STK38: variants seen among roughly 807,000 people sequenced by gnomAD.
STK38 encodes the protein serine/threonine-protein kinase 38.
STK38 carries 26 observed loss-of-function variants against 59.0 expected under a neutral mutation model. The observed-to-expected ratio is 0.44, with a 90% CI of 0.32 to 0.61. The LOEUF is 0.61. Among genes scored for constraint, STK38 ranks in the 20% least tolerant of loss-of-function variants. The pLI is 0.04. For missense variants in STK38, 433 were observed against 566.0 expected (o/e 0.76, Z 2.38); for synonymous variants, 175 against 176.6 (o/e 0.99, Z 0.07).
chr6:36,527,837 C>T (rs927971203), intron 2 of STK38, among the ~76,000 whole-genome samples: 4 of 151,818 alleles, frequency 2.6e-5, no homozygotes, highest in African/African-American at 4.8e-5. Context: ...CGGTGGCTCA[C>T]GCCTGTAATC....
chr6:36,536,513 A>G (rs1777794476), intron 2 of STK38, among the ~76,000 whole-genome samples: 1 of 151,990 alleles, frequency 6.6e-6, no homozygotes, highest in Non-Finnish European at 1.5e-5. Context: ...AAAAAACAAA[A>G]AATTTTTTTT....
At position 36,499,796 on chromosome 6, in the gene STK38, T is replaced by C. The variant is rs116491206; in HGVS notation, c.952+77A>G. The C allele has an allele frequency of 1.3e-3, 1,603 of 1,194,998 alleles. 9 individuals carry two copies. In the East Asian group the frequency reaches 0.02, roughly 15 times the overall value. The allele number at this position is 1,194,998 out of a possible 1,614,324, so 74.0% of individuals were successfully genotyped here. A position where few individuals can be genotyped will look rare whatever the true frequency, so the allele number is the denominator to read the frequency against. ...GGGAAATCACTTAGATCACTGCCAA[T>C]TGAAACAGAGGCTGGTATCAATGTA... On this transcript the variant is annotated intron_variant, in intron 10 of 13. Coordinates refer to ENST00000229812, the MANE Select transcript of STK38 (RefSeq NM_007271.4).
intron 6 of STK38, among the ~76,000 whole-genome samples, 154 bp downstream of exon 6, chr6:36,517,563 G>A (rs1777285673): frequency 6.6e-6 from 1 of 152,138 alleles, no homozygotes; most frequent in Non-Finnish European, 1.5e-5. Context: ...CCCAGCACAA[G>A]ACAGGTTACT....
At position 36,506,719 on chromosome 6, in the gene STK38, A is replaced by G. The variant is rs534470281; in HGVS notation, c.773-75T>C. The stretch of plus-strand genomic sequence containing the variant: ...ACTACTTTTTTTAGTAGGCTCTTTC[A>G]AGTCACATGAGACCCTAAAGTCTTG... On this transcript the variant is annotated intron_variant, in intron 8 of 13. Transcript: ENST00000229812. 1.2e-5 allele frequency: 16 copies of G among 1,330,586 alleles called. No individual in the cohort carries two copies. In the African/African-American group the frequency reaches 2.3e-4, roughly 20 times the overall value. The allele number at this position is 1,330,586 out of a possible 1,614,324, so 82.4% of individuals were successfully genotyped here. A position where few individuals can be genotyped will look rare whatever the true frequency, so the allele number is the denominator to read the frequency against.
intron 5 of STK38, 66 bp from the exon 6 acceptor site, chr6:36,517,906 A>C: frequency 6.4e-7 from 1 of 1,564,112 alleles, no homozygotes; most frequent in South Asian, 1.2e-5. Context: ...ATATTTGCTT[A>C]AACAATTTAA....
rs375406551 is a variant in STK38, at chr6:36,499,934, G to C, written c.891C>G (p.Thr297=). 4 of 1,613,912 alleles carry C rather than the reference G, an allele frequency of 2.5e-6. No individual in the cohort carries two copies. The highest frequency in any genetic ancestry group is 3.4e-6 in the Non-Finnish European group (4 of 1,179,992). ...ACCAATCACAGAGCTTGTTGTACCC[G>C]GTCTGCATGAACACCTCAGGAGCAA... ...DYIAPEVFMQ[T]GYNKLCDWWS... is the part of the protein sequence containing the mutation. Residue 297 remains threonine (T), a synonymous_variant, in exon 10 of 14, where the codon ACC becomes ACG. Transcript: ENST00000229812.
chr6:36,524,148 G>GA (rs1015671053), intron 4 of STK38, among the ~76,000 whole-genome samples, 193 bp downstream of exon 4: 2 of 152,170 alleles, frequency 1.3e-5, no homozygotes, highest in African/African-American at 4.8e-5. Context: ...GCAAAACAGA[G>GA]AACAGAGATC....
At chr6:36,530,236 G>C (rs908461664) in intron 2 of STK38, among the ~76,000 whole-genome samples, 3 of 150,472 alleles carry the variant, frequency 2.0e-5, no homozygotes, top group African/African-American at 4.9e-5. Context: ...GCGAGATTCT[G>C]TCAGAAAGAA....
chr6:36,500,031 G>C, intron 9 of STK38, 41 bp from the exon 10 acceptor site: 1 of 1,502,888 alleles, frequency 6.7e-7, no homozygotes, highest in South Asian at 1.1e-5. Context: ...CAGCCAGGCA[G>C]GAGGTGCCCA....
At chr6:36,536,416 C>T (rs1309300825) in intron 2 of STK38, among the ~76,000 whole-genome samples, 5 of 152,108 alleles carry the variant, frequency 3.3e-5, no homozygotes, top group Non-Finnish European at 7.4e-5. Context: ...AACGTAAGTC[C>T]AGCACTCTGG....
chr6:36,518,353 C>T (rs1777303549), intron 5 of STK38, among the ~76,000 whole-genome samples: 2 of 152,160 alleles, frequency 1.3e-5, no homozygotes, highest in Admixed American at 1.3e-4. Flanking sequence ...AATACAAGAA[C>T]ACCTATGAAA....
At position 36,527,207 on chromosome 6, in the gene STK38, A is replaced by AAAAAT. The variant is rs60162863; in HGVS notation, c.132-1566_132-1565insATTTT. ...ACTCCGTCTCAAAAAAAAAAAAAAA[A>AAAAAT]ATATATGTATATATATATATATTTA... On this transcript the variant is annotated intron_variant, in intron 2 of 13. Transcript: ENST00000229812. Among the ~76,000 whole-genome samples the AAAAAT allele has an allele frequency of 2.5e-3, 304 of 119,336 alleles. 5 individuals carry two copies. Among genetic ancestry groups the AAAAAT allele is most frequent in the Non-Finnish European group, 3.2e-3 (195 of 61,886 alleles). The allele number at this position is 119,336 out of a possible 152,430, so 78.3% of individuals were successfully genotyped here.
At chr6:36,502,239 C>T (rs1365282454) in intron 9 of STK38, among the ~76,000 whole-genome samples, 1 of 152,094 alleles carries the variant, frequency 6.6e-6, no homozygotes, top group Non-Finnish European at 1.5e-5. Flanking sequence ...AAATCCTGGC[C>T]TCAAGGGATT....
chr6:36,509,999 C>G (rs75912307), intron 7 of STK38, among the ~76,000 whole-genome samples: 1 of 152,094 alleles, frequency 6.6e-6, no homozygotes, highest in Non-Finnish European at 1.5e-5. Context: ...CAGGCAGGCC[C>G]GGAAAAACCA....
intron 7 of STK38, among the ~76,000 whole-genome samples, chr6:36,509,163 C>T (rs1011330482): frequency 2.6e-5 from 4 of 152,182 alleles, no homozygotes; most frequent in African/African-American, 9.7e-5. Context: ...GTCCTGCATT[C>T]AGGAACAATG....
intron 1 of STK38, among the ~76,000 whole-genome samples, chr6:36,540,790 C>T (rs1227460414): frequency 6.6e-6 from 1 of 152,108 alleles, no homozygotes; most frequent in Non-Finnish European, 1.5e-5. Flanking sequence ...CCACACCTGG[C>T]TAATTTTGTA....
At chr6:36,513,848 T>TAAAAAAAAA (rs1178706954) in intron 7 of STK38, among the ~76,000 whole-genome samples, 1 of 63,838 alleles carries the variant, frequency 1.6e-5, no homozygotes, top group Non-Finnish European at 2.9e-5. Flanking sequence ...TACTAAAAAT[T>TAAAAAAAAA]AAAAAAAAAA....
chr6:36,513,848 T>TAAAAAA (rs1178706954), intron 7 of STK38, among the ~76,000 whole-genome samples: 36 of 63,838 alleles, frequency 5.6e-4, no homozygotes, highest in East Asian at 1.1e-3. Flanking sequence ...TACTAAAAAT[T>TAAAAAA]AAAAAAAAAA....
chr6:36,528,229 G>A (rs1777580974), intron 2 of STK38, among the ~76,000 whole-genome samples: 1 of 152,172 alleles, frequency 6.6e-6, no homozygotes, highest in African/African-American at 2.4e-5. Context: ...AGACAACTGA[G>A]TGCTAAAAGA....
Sources: gnomAD v4.1 joint callset for allele counts (sites outside exome capture counted in the v4.1 genomes callset) on GRCh38, gnomAD v4.1.1 for gene constraint, MANE v1.5 for transcripts, NCBI Gene and HGNC (gene_info 2026-07-23, HGNC 2026-07-21) for gene names.